The following FAM222B variants were observed in gnomAD, a reference collection of about 807,000 sequenced individuals.
FAM222B encodes family with sequence similarity 222 member B.
A neutral mutation model predicts 38.0 loss-of-function variants in FAM222B; 12 were observed. That is an observed-to-expected ratio of 0.32 (90% CI 0.20 to 0.51). The LOEUF (loss-of-function observed/expected upper bound fraction) is 0.51, where lower values mean the gene tolerates loss of function less well. Ranked by LOEUF, FAM222B falls within the 20% of genes least tolerant of loss-of-function variation. FAM222B has a pLI of 0.97. For missense variants in FAM222B, 716 were observed against 754.2 expected (o/e 0.95, Z 0.59); for synonymous variants, 329 against 317.2 (o/e 1.04, Z -0.40).
In FAM222B at chr17:28,759,026, C is replaced by T. The variant is rs748911334; in HGVS notation, c.933G>A (p.Ser311=). ...GCATTGGTGTGGGGACGCTGTGGGT[C>T]GACACCCGGGTGCTTGCATTGATGA... ...SLLINASTRV[S]THSVPTPMPS... is the part of the protein sequence containing the mutation. The change falls in exon 3 of 3, where the codon TCG becomes TCA. Residue 311 remains serine, a synonymous_variant. Transcript: ENST00000581407. The surrounding 1 kb of genome is among the most constrained non-coding windows in gnomAD (Gnocchi z 4.8). The T allele has an allele frequency of 5.6e-5, 90 of 1,612,718 alleles. No homozygotes were observed. In the Admixed American group the frequency reaches 1.3e-3, roughly 23 times the overall value.
intron 1 of FAM222B, among the ~76,000 whole-genome samples, chr17:28,823,387 G>A (rs1324635929): frequency 6.8e-6 from 1 of 146,922 alleles, no homozygotes; most frequent in East Asian, 2.0e-4. Context: ...TTGAGAAAGT[G>A]TCTAGCTCTG....
intron 1 of FAM222B, among the ~76,000 whole-genome samples, chr17:28,825,269 C>A (rs1297112244): frequency 6.6e-6 from 1 of 151,524 alleles, no homozygotes; most frequent in Non-Finnish European, 1.5e-5. Context: ...CTGGTCTCTA[C>A]CAAAAATACA....
chr17:28,772,251 T>C (rs2035668463), intron 1 of FAM222B, among the ~76,000 whole-genome samples: 1 of 152,114 alleles, frequency 6.6e-6, no homozygotes, highest in Non-Finnish European at 1.5e-5. Context: ...CTTTGTCTTT[T>C]TTTCTCCTTC....
At position 28,822,105 on chromosome 17, in the gene FAM222B, T is replaced by TC. The variant is rs1253403762; in HGVS notation, c.-41+20576dup. Among the ~76,000 whole-genome samples, 5 of 149,252 alleles carry TC rather than the reference T, an allele frequency of 3.4e-5. No individual in the cohort carries two copies. The East Asian group carries it at 6.4e-4, about 19-fold the overall frequency. On this transcript the variant is annotated intron_variant, in intron 1 of 2. Transcript: ENST00000581407. ...GGTGCGATCTCGGCTCACTGCAACC[T>TC]CCCCCACCTGGGTTCAAGCGATTCT... is the stretch of plus-strand genomic sequence containing the variant.
At chr17:28,776,694 TC>T (rs2035915177) in intron 1 of FAM222B, among the ~76,000 whole-genome samples, 1 of 151,882 alleles carries the variant, frequency 6.6e-6, no homozygotes, top group South Asian at 2.1e-4. Context: ...GCTGAAGCAA[TC>T]TTCTGGCCTC....
intron 1 of FAM222B, among the ~76,000 whole-genome samples, chr17:28,804,235 G>C (rs982612237): frequency 1.3e-5 from 2 of 152,082 alleles, no homozygotes; most frequent in African/African-American, 2.4e-5. Flanking sequence ...CTTGCAGACA[G>C]CATATTGTGG....
intron 1 of FAM222B, among the ~76,000 whole-genome samples, chr17:28,800,076 T>C (rs1375908896): frequency 2.0e-5 from 3 of 151,832 alleles, no homozygotes; most frequent in African/African-American, 7.3e-5. Flanking sequence ...TTGTTGCCCA[T>C]GCTGGAGTGC....
chr17:28,790,944 G>C (rs938509821), intron 1 of FAM222B, among the ~76,000 whole-genome samples: 2 of 107,706 alleles, frequency 1.9e-5, no homozygotes, highest in African/African-American at 7.2e-5. Context: ...TGTTGCCCAG[G>C]CTGGAGTGCA....
chr17:28,759,117 C>G lies in FAM222B; in HGVS notation c.842G>C (p.Gly281Ala). The G allele has an allele frequency of 6.2e-7, 1 of 1,611,616 alleles. No individual in the cohort carries two copies. Among genetic ancestry groups the G allele is most frequent in the Non-Finnish European group, 8.5e-7 (1 of 1,178,928 alleles). ...CTCACACACTGAGGTAGTGCTGATG[C>G]CTGCCCTCGTCTGGCAAAACTGGTT... ...QINQFCQTRAGISTTSVCEGQ... is the reference protein window; with the variant it reads ...QINQFCQTRAAISTTSVCEGQ... The change falls in exon 3 of 3, where the codon GGC becomes GCC. Residue 281 changes from glycine (G) to alanine (A), a missense_variant. Physicochemically the swap from Gly to Ala is moderately conservative, Grantham distance 60. Transcript: ENST00000581407. The surrounding 1 kb of genome is among the most constrained non-coding windows in gnomAD (Gnocchi z 4.8).
intron 1 of FAM222B, among the ~76,000 whole-genome samples, chr17:28,825,767 G>A (rs2038418849): frequency 1.3e-5 from 2 of 152,048 alleles, no homozygotes; most frequent in Non-Finnish European, 2.9e-5. Context: ...ATCATTAACT[G>A]ATTTTTATTT....
At chr17:28,762,436 C>T (rs1214245883) in intron 2 of FAM222B, among the ~76,000 whole-genome samples, 1 of 132,450 alleles carries the variant, frequency 7.6e-6, no homozygotes, top group Non-Finnish European at 1.6e-5. Context: ...GACCAGCCTG[C>T]CCAGCATGGT....
upstream of FAM222B, among the ~76,000 whole-genome samples, chr17:28,845,752 G>A (rs925294027): frequency 2.7e-5 from 4 of 150,934 alleles, no homozygotes; most frequent in East Asian, 2.0e-4. Flanking sequence ...AAAATTAGCC[G>A]GGCATGGTGG....
intron 2 of FAM222B, among the ~76,000 whole-genome samples, chr17:28,764,847 T>G (rs1347820712): frequency 1.3e-5 from 2 of 152,148 alleles, no homozygotes; most frequent in Non-Finnish European, 2.9e-5. Flanking sequence ...TGATATCACA[T>G]CTTTGGGTAA....
intron 1 of FAM222B, among the ~76,000 whole-genome samples, chr17:28,777,324 CCCATCCTG>C (rs2035940828): frequency 6.6e-6 from 1 of 152,206 alleles, no homozygotes; most frequent in South Asian, 2.1e-4. Context: ...AGGTCCTCTT[CCCATCCTG>C]TTTCCTGTCC....
chr17:28,771,829 C>A (rs777181006), intron 1 of FAM222B, among the ~76,000 whole-genome samples: 2 of 151,928 alleles, frequency 1.3e-5, no homozygotes, highest in South Asian at 4.2e-4. Context: ...CCGAGGTGGG[C>A]GGATCACGAG....
At chr17:28,764,303 C>T (rs1348027140) in intron 2 of FAM222B, among the ~76,000 whole-genome samples, 5 of 144,904 alleles carry the variant, frequency 3.5e-5, no homozygotes, top group Admixed American at 2.1e-4. Context: ...AAGGGCCGGG[C>T]ATGGTGGCTC....
chr17:28,765,279 G>A (rs2035276216), intron 2 of FAM222B, among the ~76,000 whole-genome samples: 2 of 152,190 alleles, frequency 1.3e-5, no homozygotes, highest in South Asian at 4.1e-4. Context: ...GCTGGCAAAC[G>A]ACAGCCTGCG....
At chr17:28,853,656 G>A (rs981026002) in intron 1 of FAM222B, among the ~76,000 whole-genome samples, 2 of 152,194 alleles carry the variant, frequency 1.3e-5, no homozygotes, top group Non-Finnish European at 2.9e-5. Context: ...GAAATCCCGT[G>A]ATAGAGATTT....
At chr17:28,817,993 G>T (rs1475886500) in intron 1 of FAM222B, among the ~76,000 whole-genome samples, 2 of 152,160 alleles carry the variant, frequency 1.3e-5, no homozygotes, top group African/African-American at 4.8e-5. Context: ...TATGAAAGTA[G>T]AAGCATTATC....
Sources: gnomAD v4.1 joint callset for allele counts (sites outside exome capture counted in the v4.1 genomes callset) on GRCh38, gnomAD v4.1.1 for gene constraint, Gnocchi (gnomAD v3.1) non-coding constraint, MANE v1.5 for transcripts, NCBI Gene and HGNC (gene_info 2026-07-23, HGNC 2026-07-21) for gene names.